GLE1: variants seen among roughly 807,000 people sequenced by gnomAD.
The protein encoded by GLE1 is mRNA export factor GLE1.
Under a neutral mutation model 97.3 loss-of-function variants are expected in GLE1, and 78 were observed. That is an observed-to-expected ratio of 0.80 (90% CI 0.67 to 0.97). The LOEUF is 0.97. Among genes scored for constraint, GLE1 ranks in the 50% least tolerant of loss-of-function variants. The probability of loss-of-function intolerance (pLI) is 0.00; values close to 1 mark genes in which losing one functional copy is unlikely to be tolerated. For synonymous variants in GLE1, 302 were observed against 313.4 expected, an observed-to-expected ratio of 0.96 and a Z score of 0.39; for missense variants, 753 against 857.5, an observed-to-expected ratio of 0.88 and a Z score of 1.52.
At chr9:128,525,456 C>A in intron 7 of GLE1, 33 bp downstream of exon 7, 2 of 1,282,232 alleles carry the variant, frequency 1.6e-6, no homozygotes, top group East Asian at 2.5e-5. Context: ...TCCTTTAACT[C>A]GTAAGTTTCA....
At chr9:128,506,936 T>A (rs1846655888) in intron 1 of GLE1, among the ~76,000 whole-genome samples, 1 of 152,220 alleles carries the variant, frequency 6.6e-6, no homozygotes, top group African/African-American at 2.4e-5. Flanking sequence ...CAGTTTACTT[T>A]ATCTCATTGT....
chr9:128,523,851 G>C lies in GLE1; in HGVS notation c.897+5G>C. The C allele has an allele frequency of 6.2e-7, 1 of 1,613,584 alleles. No individual in the cohort carries two copies. Among genetic ancestry groups the C allele is most frequent in the Non-Finnish European group, 8.5e-7 (1 of 1,179,838 alleles). On this transcript the variant is annotated splice_donor_5th_base_variant and intron_variant, in intron 6 of 15. Transcript: ENST00000309971. Reference sequence around the variant, plus strand: ...ATCATCCGGGCCTCTTCAGAGGTGAGGGGGGCTTCAGAGTGACTCTTTGCT... The same window carrying C: ...ATCATCCGGGCCTCTTCAGAGGTGACGGGGGCTTCAGAGTGACTCTTTGCT...
At chr9:128,536,560 T>C in intron 12 of GLE1, 76 bp downstream of exon 12, 2 of 1,361,258 alleles carry the variant, frequency 1.5e-6, no homozygotes, top group Middle Eastern at 1.9e-4. Flanking sequence ...CAGGAAATGT[T>C]GGCCTTCTTT....
chr9:128,519,089 T>G (rs1019978283), intron 3 of GLE1, among the ~76,000 whole-genome samples: 16 of 152,222 alleles, frequency 1.1e-4, no homozygotes, highest in Admixed American at 2.0e-4. Flanking sequence ...TCAATACCCT[T>G]GTGATTTCCT....
At chr9:128,537,854 C>G (rs1589077450) in intron 12 of GLE1, 132 bp from the exon 13 acceptor site, 1 of 705,100 alleles carries the variant, frequency 1.4e-6, no homozygotes, top group African/African-American at 1.8e-5. Context: ...TGTGTTATTT[C>G]TGCCCTGTGG....
chr9:128,519,734 ATG>A (rs1375355227), intron 3 of GLE1, among the ~76,000 whole-genome samples: 1 of 152,076 alleles, frequency 6.6e-6, no homozygotes, highest in African/African-American at 2.4e-5. Context: ...GAAGTACTTG[ATG>A]TGTGTGACTC....
intron 9 of GLE1, among the ~76,000 whole-genome samples, chr9:128,530,008 G>A (rs1420123922): frequency 6.6e-6 from 1 of 152,118 alleles, no homozygotes; most frequent in African/African-American, 2.4e-5. Flanking sequence ...GTGTTAGCCA[G>A]GATGGTCTCG....
In GLE1 at chr9:128,541,585, G is replaced by A. The variant is rs1320886192; in HGVS notation, c.*415G>A. On this transcript the variant is annotated 3_prime_UTR_variant, in exon 16 of 16. Coordinates refer to ENST00000309971, the MANE Select transcript of GLE1 (RefSeq NM_001003722.2). ...CTGTTCAGATGAATTTCCAGAAAGA[G>A]CTAAGGCTCATAAGGTTCCCTTTTA... 1 of 202,412 alleles carries A rather than the reference G, an allele frequency of 4.9e-6. No individual in the cohort carries two copies. The highest frequency in any genetic ancestry group is 1.0e-5 in the Non-Finnish European group (1 of 98,320). The allele number at this position is 202,412 out of a possible 1,614,324, so 12.5% of individuals were successfully genotyped here. A position where few individuals can be genotyped will look rare whatever the true frequency, so the allele number is the denominator to read the frequency against.
intron 11 of GLE1, among the ~76,000 whole-genome samples, chr9:128,535,458 G>C (rs1847673225): frequency 7.0e-6 from 1 of 143,336 alleles, no homozygotes; most frequent in Non-Finnish European, 1.5e-5. Flanking sequence ...GGAGGTGGAG[G>C]TTGCACTGAG....
chr9:128,504,875 T>C lies in GLE1; in HGVS notation c.70T>C (p.Tyr24His). 1.2e-6 allele frequency: 2 copies of C among 1,612,632 alleles called. No homozygotes were observed. The highest frequency in any genetic ancestry group is 8.5e-7 in the Non-Finnish European group (1 of 1,178,632). ...LRSSDKGRLC[Y>H]YRDWLLRRED... is the part of the protein sequence containing the mutation. ...CAGTTCCGACAAAGGTCGCCTTTGCTACTACCGCGACTGGCTGCTGCGGCG... is the reference window on the plus strand; with the variant it reads ...CAGTTCCGACAAAGGTCGCCTTTGCCACTACCGCGACTGGCTGCTGCGGCG... The change falls in exon 1 of 16, where the codon TAC (tyrosine) becomes CAC (histidine). Residue 24 changes from tyrosine (Y) to histidine (H), a missense_variant. Coordinates refer to ENST00000309971, the MANE Select transcript of GLE1 (RefSeq NM_001003722.2).
At chr9:128,506,686 G>C (rs1382461132) in intron 1 of GLE1, among the ~76,000 whole-genome samples, 3 of 152,150 alleles carry the variant, frequency 2.0e-5, no homozygotes, top group Non-Finnish European at 4.4e-5. Context: ...TCAGTAGACA[G>C]AGCTAGGAAA....
At chr9:128,506,554 C>T (rs975621847) in intron 1 of GLE1, among the ~76,000 whole-genome samples, 2 of 152,148 alleles carry the variant, frequency 1.3e-5, no homozygotes, top group African/African-American at 4.8e-5. Context: ...ATCCTGGAAT[C>T]AGCTATTTCT....
intron 2 of GLE1, among the ~76,000 whole-genome samples, chr9:128,512,774 C>T (rs1846863242): frequency 6.6e-6 from 1 of 152,196 alleles, no homozygotes; most frequent in Middle Eastern, 3.4e-3. Flanking sequence ...ATTCTCCTGC[C>T]TCAGCCTCTT....
In GLE1 at chr9:128,525,555, T is replaced by G. The variant is rs1023968392; in HGVS notation, c.1129+132T>G. 5 of 721,328 alleles carry G rather than the reference T, an allele frequency of 6.9e-6. No individual in the cohort carries two copies. The South Asian group carries it at 7.8e-5, about 11-fold the overall frequency. The allele number at this position is 721,328 out of a possible 1,614,324, so 44.7% of individuals were successfully genotyped here. ...ATTTTATGTAATGTATTTCATTCAG[T>G]TTTGGTTGATGTAGAGTCTGATTTA... On this transcript the variant is annotated intron_variant, in intron 7 of 15. Transcript: ENST00000309971.
At chr9:128,515,366 A>G (rs1846951174) in intron 2 of GLE1, among the ~76,000 whole-genome samples, 163 bp from the exon 3 acceptor site, 1 of 152,260 alleles carries the variant, frequency 6.6e-6, no homozygotes, top group African/African-American at 2.4e-5. Context: ...AGTCAATGTC[A>G]TTCATGAAAA....
chr9:128,531,307 C>CATAG (rs1847497913), intron 9 of GLE1, among the ~76,000 whole-genome samples: 1 of 150,164 alleles, frequency 6.7e-6, no homozygotes, highest in South Asian at 2.1e-4. Context: ...GTGGGTGAAT[C>CATAG]ATAGGAGGTC....
At chr9:128,513,201 T>C (rs765494831) in intron 2 of GLE1, among the ~76,000 whole-genome samples, 9 of 151,826 alleles carry the variant, frequency 5.9e-5, no homozygotes, top group Non-Finnish European at 1.2e-4. Context: ...CTGCTTGACA[T>C]TATTTATTAT....
chr9:128,535,650 G>A (rs373989220), intron 11 of GLE1, among the ~76,000 whole-genome samples: 1 of 151,922 alleles, frequency 6.6e-6, no homozygotes, highest in South Asian at 2.1e-4. Context: ...GTGAAACCCT[G>A]TCTCTACTAA....
At chr9:128,537,557 C>A (rs1206317460) in intron 12 of GLE1, among the ~76,000 whole-genome samples, 1 of 151,388 alleles carries the variant, frequency 6.6e-6, no homozygotes, top group Non-Finnish European at 1.5e-5. Flanking sequence ...TAATCCCAGC[C>A]CTTTAGGAAG....
Sources: gnomAD v4.1 joint callset for allele counts (sites outside exome capture counted in the v4.1 genomes callset) on GRCh38, gnomAD v4.1.1 for gene constraint, MANE v1.5 for transcripts, NCBI Gene and HGNC (gene_info 2026-07-23, HGNC 2026-07-21) for gene names.